CNOT6: variants seen among roughly 807,000 people sequenced by gnomAD.
CNOT6 encodes the protein CCR4-NOT transcription complex subunit 6.
In CNOT6, 12 loss-of-function variants were observed where a neutral mutation model predicts 61.2. The observed-to-expected ratio is 0.20, with a 90% CI of 0.13 to 0.32. CNOT6 has a LOEUF of 0.32. Ranked by LOEUF, CNOT6 falls within the 10% of genes least tolerant of loss-of-function variation. CNOT6 has a pLI of 1.00. For synonymous variants in CNOT6, 225 were observed against 240.6 expected, an observed-to-expected ratio of 0.94 and a Z score of 0.60; for missense variants, 405 against 663.9, an observed-to-expected ratio of 0.61 and a Z score of 4.28.
chr5:180,550,200 A>C, intron 3 of CNOT6, 83 bp downstream of exon 3: 2 of 1,088,300 alleles, frequency 1.8e-6, no homozygotes, highest in Non-Finnish European at 2.7e-6. Flanking sequence ...TATGCCTGTA[A>C]TTCTAGCGTT....
Position 180,575,683 on chromosome 5 carries a change from T to C in CNOT6, c.*1483T>C, listed in dbSNP as rs1281561943. 1 of 152,656 alleles carries C rather than the reference T, an allele frequency of 6.6e-6. No individual in the cohort carries two copies. Among genetic ancestry groups the C allele is most frequent in the Non-Finnish European group, 1.5e-5 (1 of 68,044 alleles). 9.5% of individuals were successfully genotyped at this position (152,656 alleles called of 1,614,324 possible). On this transcript the variant is annotated 3_prime_UTR_variant, in exon 12 of 12. Coordinates refer to ENST00000261951, the MANE Select transcript of CNOT6 (RefSeq NM_001370472.1). ...TAGAGATGAAAACCAGCTTTAACTT[T>C]GCAAAGTGAACATGTACATGGTCTG... is the stretch of plus-strand genomic sequence containing the variant.
At chr5:180,522,431 C>A (rs1404909195) in intron 1 of CNOT6, among the ~76,000 whole-genome samples, 1 of 152,052 alleles carries the variant, frequency 6.6e-6, no homozygotes, top group Non-Finnish European at 1.5e-5. Context: ...ATTTTTAGTT[C>A]TTTGAGAAAT....
intron 1 of CNOT6, among the ~76,000 whole-genome samples, chr5:180,525,744 A>G (rs1285180667): frequency 1.3e-5 from 2 of 152,124 alleles, no homozygotes; most frequent in South Asian, 2.1e-4. Flanking sequence ...AGGAAGAACT[A>G]GAAAAAACTA....
chr5:180,514,106 G>T (rs1169726620), intron 1 of CNOT6, among the ~76,000 whole-genome samples: 4 of 151,576 alleles, frequency 2.6e-5, no homozygotes, highest in African/African-American at 9.7e-5. Context: ...GGGATTACAG[G>T]TTTGAGCCAC....
intron 1 of CNOT6, among the ~76,000 whole-genome samples, chr5:180,496,350 G>A (rs538318260): frequency 6.6e-6 from 1 of 152,316 alleles, no homozygotes; most frequent in African/African-American, 2.4e-5. Context: ...CTTTCTAGGT[G>A]GAGGTGACTT....
Position 180,494,472 on chromosome 5 carries a change from A to ACGGCGGCGCGGAGGCGAAGGCAG in CNOT6, c.-287_-265dup, listed in dbSNP as rs1392830109. 4 of 152,324 alleles carry ACGGCGGCGCGGAGGCGAAGGCAG rather than the reference A, an allele frequency of 2.6e-5. No homozygotes were observed. Among genetic ancestry groups the ACGGCGGCGCGGAGGCGAAGGCAG allele is most frequent in the Non-Finnish European group, 5.7e-5 (4 of 70,034 alleles). The allele number at this position is 152,324 out of a possible 1,614,324, so 9.4% of individuals were successfully genotyped here. On this transcript the variant is annotated 5_prime_UTR_variant, in exon 1 of 12. It removes the in-frame stop codon of an upstream open reading frame in the 5' UTR. Transcript: ENST00000261951. ...GGCGGCGGCGTCGGTGGCGGCGGCG[A>ACGGCGGCGCGGAGGCGAAGGCAG]CGGCGGCGCGGAGGCGAAGGCAGCG...
chr5:180,495,307 C>G (rs1418660506), intron 1 of CNOT6: 2 of 152,226 alleles, frequency 1.3e-5, no homozygotes, highest in Admixed American at 1.3e-4. Flanking sequence ...AAGCACTTGG[C>G]ATGCAATGAG....
chr5:180,560,979 A>C (rs930391717), intron 4 of CNOT6, among the ~76,000 whole-genome samples: 1 of 151,834 alleles, frequency 6.6e-6, no homozygotes, highest in African/African-American at 2.4e-5. Context: ...TCAGTCAATC[A>C]AGAGACGAGG....
intron 10 of CNOT6, among the ~76,000 whole-genome samples, chr5:180,570,097 C>A (rs775054901): frequency 6.6e-6 from 1 of 152,158 alleles, no homozygotes; most frequent in East Asian, 1.9e-4. Context: ...GTGGCTCACG[C>A]CCGTAATCCC....
At chr5:180,530,681 G>A (rs1424499714) in intron 2 of CNOT6, among the ~76,000 whole-genome samples, 2 of 152,056 alleles carry the variant, frequency 1.3e-5, no homozygotes, top group South Asian at 4.2e-4. Context: ...TGTGAACAAG[G>A]GTCTCTGGTT....
intron 4 of CNOT6, among the ~76,000 whole-genome samples, chr5:180,559,343 T>C (rs1423344344): frequency 6.6e-6 from 1 of 152,252 alleles, no homozygotes; most frequent in Admixed American, 6.5e-5. Flanking sequence ...ATTGAGCCTT[T>C]ATTATTACAT....
intron 2 of CNOT6, among the ~76,000 whole-genome samples, chr5:180,537,516 T>C (rs1267784743): frequency 6.6e-6 from 1 of 152,220 alleles, no homozygotes; most frequent in Non-Finnish European, 1.5e-5. Flanking sequence ...TTTTAAACTT[T>C]TAAAAAATGC....
In CNOT6 at chr5:180,565,957, G is replaced by T; in HGVS notation, c.697G>T (p.Ala233Ser). The T allele has an allele frequency of 6.2e-7, 1 of 1,613,578 alleles. No individual in the cohort carries two copies. The highest frequency in any genetic ancestry group is 8.5e-7 in the Non-Finnish European group (1 of 1,179,720). ...TATTCAAGAAATCTTGAGCTGCAAT[G>T]CTGATATCGTAAGTCTTCAGGTAAG... Reference protein sequence around the residue: ...AIIQEILSCNADIVSLQEVET... With the variant: ...AIIQEILSCNSDIVSLQEVET... The change falls in exon 7 of 12, where the codon GCT becomes TCT. Residue 233 changes from alanine to serine, a missense_variant. Ala to Ser is a moderately conservative substitution (Grantham distance 99). This residue lies in a region of CNOT6 where 212 missense variants were observed against 307.1 expected (regional missense o/e 0.69). Transcript: ENST00000261951.
At chr5:180,504,275 T>G (rs150837938) in intron 1 of CNOT6, among the ~76,000 whole-genome samples, 140 of 152,304 alleles carry the variant, frequency 9.2e-4, no homozygotes, top group East Asian at 4.8e-3. Context: ...GATTCTGGTG[T>G]TGTTAAAGGC....
intron 1 of CNOT6, among the ~76,000 whole-genome samples, chr5:180,523,671 TCA>T (rs1166161901): frequency 2.0e-5 from 3 of 152,128 alleles, no homozygotes; most frequent in Non-Finnish European, 4.4e-5. Context: ...TCACTTTACT[TCA>T]TATTCTGCTA....
intron 1 of CNOT6, among the ~76,000 whole-genome samples, chr5:180,500,091 T>C (rs1324952645): frequency 7.4e-6 from 1 of 134,936 alleles, no homozygotes; most frequent in Non-Finnish European, 1.7e-5. Flanking sequence ...ATTCACCTTT[T>C]CTTTTCTTTT....
intron 1 of CNOT6, among the ~76,000 whole-genome samples, chr5:180,505,125 AT>A (rs1389338284): frequency 1.4e-5 from 2 of 147,710 alleles, no homozygotes; most frequent in Admixed American, 6.9e-5. Context: ...CACCCAGCTA[AT>A]TTTTTTTGTA....
At chr5:180,521,387 C>T (rs1268794986) in intron 1 of CNOT6, among the ~76,000 whole-genome samples, 2 of 152,154 alleles carry the variant, frequency 1.3e-5, no homozygotes, top group African/African-American at 4.8e-5. Context: ...ACTCAGGTTT[C>T]ATAATCACAT....
At chr5:180,570,056 C>G (rs1429476838) in intron 10 of CNOT6, among the ~76,000 whole-genome samples, 1 of 152,048 alleles carries the variant, frequency 6.6e-6, no homozygotes, top group African/African-American at 2.4e-5. Flanking sequence ...ATAGATAGAG[C>G]CCTTAGGAAG....
Sources: gnomAD v4.1 joint callset for allele counts (sites outside exome capture counted in the v4.1 genomes callset) on GRCh38, gnomAD v4.1.1 for gene constraint, gnomAD v4.1.1 regional missense constraint, MANE v1.5 for transcripts, NCBI Gene and HGNC (gene_info 2026-07-23, HGNC 2026-07-21) for gene names.